The following MERTK variants were observed in gnomAD, a reference collection of about 807,000 sequenced individuals.
The protein encoded by MERTK is tyrosine-protein kinase Mer.
A neutral mutation model predicts 99.3 loss-of-function variants in MERTK; 69 were observed. The observed-to-expected ratio is 0.70, with a 90% CI of 0.57 to 0.85. The LOEUF is 0.85. Ranked by LOEUF, MERTK falls within the 40% of genes least tolerant of loss-of-function variation. MERTK has a pLI of 0.00. For missense variants in MERTK, 1,125 were observed against 1,249.4 expected (o/e 0.90, Z 1.50); for synonymous variants, 426 against 467.6 (o/e 0.91, Z 1.15).
chr2:112,020,308 A>G (rs1446937158), intron 16 of MERTK, among the ~76,000 whole-genome samples: 1 of 151,334 alleles, frequency 6.6e-6, no homozygotes, highest in Non-Finnish European at 1.5e-5. Context: ...AATCATGAAA[A>G]CTCTTTTTCC....
intron 1 of MERTK, 93 bp from the exon 2 acceptor site, chr2:111,929,027 C>T: frequency 2.3e-6 from 3 of 1,291,532 alleles, no homozygotes; most frequent in Non-Finnish European, 3.4e-6. Flanking sequence ...GAGGACACCC[C>T]AGTGCTCTCT....
Position 111,985,541 on chromosome 2 carries a change from A to G in MERTK, c.1296+2548A>G, listed in dbSNP as rs1676460434. On this transcript the variant is annotated intron_variant, in intron 8 of 18. Transcript: ENST00000295408. Reference sequence around the variant, plus strand: ...TGTATTAGTCTGTTTTCACACTGCTAATAAAGACATACCTGAGACTAGGTA... The same window carrying G: ...TGTATTAGTCTGTTTTCACACTGCTGATAAAGACATACCTGAGACTAGGTA... Among the ~76,000 whole-genome samples, 5 of 152,188 alleles carry G rather than the reference A, an allele frequency of 3.3e-5. No individual in the cohort carries two copies. In the South Asian group the frequency reaches 6.2e-4, roughly 19 times the overall value.
At chr2:111,953,399 C>T (rs929036323) in intron 4 of MERTK, among the ~76,000 whole-genome samples, 23 of 152,120 alleles carry the variant, frequency 1.5e-4, no homozygotes, top group Non-Finnish European at 2.6e-4. Context: ...CTTTATTTTT[C>T]TTAGTGACAG....
Position 111,997,323 on chromosome 2 carries a change from G to A in MERTK, c.1451G>A (p.Gly484Asp). The A allele has an allele frequency of 6.2e-7, 1 of 1,614,040 alleles. No individual in the cohort carries two copies. Among genetic ancestry groups the A allele is most frequent in the Non-Finnish European group, 8.5e-7 (1 of 1,179,908 alleles). The stretch of plus-strand genomic sequence containing the variant: ...GACTGGTCTATTGGTATCTCACCAG[G>A]TTGGGTAGATTATGCCCCCTCTTCA... ...DPVKIFIPAHGWVDYAPSSTP... is the reference protein window; with the variant it reads ...DPVKIFIPAHDWVDYAPSSTP... Residue 484 changes from glycine to aspartate, a missense_variant and splice_region_variant, in exon 10 of 19, where the codon GGT (glycine) becomes GAT (aspartate). Physicochemically the swap from Gly to Asp is moderately conservative, Grantham distance 94. Transcript: ENST00000295408.
chr2:111,947,364 A>G (rs1684978631), intron 3 of MERTK, 30 bp from the exon 4 acceptor site: 1 of 1,613,246 alleles, frequency 6.2e-7, no homozygotes, highest in Non-Finnish European at 8.5e-7. Context: ...CAGATCTGAA[A>G]CATTCTTTTG....
chr2:111,950,090 C>G (rs1301278768), intron 4 of MERTK, among the ~76,000 whole-genome samples: 1 of 152,134 alleles, frequency 6.6e-6, no homozygotes, highest in Admixed American at 6.5e-5. Context: ...GCACCTGCCA[C>G]TACGCCTGGC....
intron 8 of MERTK, among the ~76,000 whole-genome samples, chr2:111,991,641 C>T (rs577661710): frequency 6.6e-6 from 1 of 152,156 alleles, no homozygotes; most frequent in South Asian, 2.1e-4. Context: ...GACTCGGAGT[C>T]CAGTGGGGTA....
At chr2:111,959,530 G>A (rs145762025) in intron 4 of MERTK, among the ~76,000 whole-genome samples, 1 of 151,834 alleles carries the variant, frequency 6.6e-6, no homozygotes, top group African/African-American at 2.4e-5. Context: ...TGACTCTGTC[G>A]CCCAGCCTGG....
intron 6 of MERTK, among the ~76,000 whole-genome samples, chr2:111,972,492 A>G (rs778251151): frequency 1.3e-5 from 2 of 152,144 alleles, no homozygotes; most frequent in Admixed American, 6.5e-5. Flanking sequence ...AGATGATCAC[A>G]CACAAGATTT....
At position 111,910,591 on chromosome 2, in the gene MERTK, A is replaced by AGTGTGTGTGTGTGTGT. The variant is rs139430156; in HGVS notation, c.61+11800_61+11815dup. Among the ~76,000 whole-genome samples, 177 of 141,234 alleles carry AGTGTGTGTGTGTGTGT rather than the reference A, an allele frequency of 1.3e-3. 1 individual carries two copies. Among genetic ancestry groups the AGTGTGTGTGTGTGTGT allele is most frequent in the Middle Eastern group, 3.9e-3 (1 of 258 alleles). 92.7% of individuals were successfully genotyped at this position (141,234 alleles called of 152,430 possible). On this transcript the variant is annotated intron_variant, in intron 1 of 18. Transcript: ENST00000295408. Reference sequence around the variant, plus strand: ...GGCTGACCCTGTAACTTAAAAAAAAAGTGTGTGTGTGTGTGTGTGTATATA... The same window carrying AGTGTGTGTGTGTGTGT: ...GGCTGACCCTGTAACTTAAAAAAAAAGTGTGTGTGTGTGTGTGTGTGTGTGTGTGTGTGTGTATATA...
intron 9 of MERTK, 41 bp from the exon 10 acceptor site, chr2:111,997,282 T>C (rs187170848): frequency 1.2e-6 from 2 of 1,604,504 alleles, no homozygotes; most frequent in East Asian, 2.2e-5. Flanking sequence ...GTGTTTCTCA[T>C]ATATTTCAAA....
At chr2:111,912,053 AGTGCAGTGGT>A (rs1684260399) in intron 1 of MERTK, among the ~76,000 whole-genome samples, 2 of 151,726 alleles carry the variant, frequency 1.3e-5, no homozygotes, top group Non-Finnish European at 2.9e-5. Context: ...CCCCGGCTGG[AGTGCAGTGGT>A]GCGATCTCGG....
chr2:111,963,620 C>T (rs1389101786), intron 4 of MERTK, among the ~76,000 whole-genome samples: 2 of 152,220 alleles, frequency 1.3e-5, no homozygotes, highest in East Asian at 3.8e-4. Context: ...TTGCACAGCC[C>T]TTAATCCATT....
chr2:111,941,178 G>C (rs1453817035), intron 2 of MERTK: 1 of 318,506 alleles, frequency 3.1e-6, no homozygotes, highest in Non-Finnish European at 6.0e-6. Context: ...GCTGGGTACA[G>C]AGTTCGAAAG....
At chr2:112,011,729 C>A (rs1261939672) in intron 15 of MERTK, among the ~76,000 whole-genome samples, 2 of 152,032 alleles carry the variant, frequency 1.3e-5, no homozygotes, top group Non-Finnish European at 2.9e-5. Context: ...CCAGCCTGGG[C>A]GACAGAGTGA....
chr2:111,987,725 A>AT (rs568336398), intron 8 of MERTK, among the ~76,000 whole-genome samples: 51 of 152,312 alleles, frequency 3.3e-4, no homozygotes, highest in Non-Finnish European at 6.5e-4. Context: ...ATTGCATATT[A>AT]TACCACCTTG....
chr2:112,003,479 T>G (rs1676911521), intron 12 of MERTK: 1 of 337,870 alleles, frequency 3.0e-6, no homozygotes, highest in African/African-American at 2.1e-5. Context: ...GTACTTTAAG[T>G]TTATTCCTCT....
chr2:112,018,752 T>C (rs754003891), intron 15 of MERTK, among the ~76,000 whole-genome samples: 4 of 152,148 alleles, frequency 2.6e-5, no homozygotes, highest in Non-Finnish European at 5.9e-5. Context: ...AACACAGCAA[T>C]CTAGTTTGAT....
At chr2:111,997,838 G>A (rs1341817504) in intron 10 of MERTK, among the ~76,000 whole-genome samples, 1 of 152,200 alleles carries the variant, frequency 6.6e-6, no homozygotes, top group Non-Finnish European at 1.5e-5. Flanking sequence ...GATCACTTGA[G>A]GTCAGGAGTT....
Sources: gnomAD v4.1 joint callset for allele counts (sites outside exome capture counted in the v4.1 genomes callset) on GRCh38, gnomAD v4.1.1 for gene constraint, MANE v1.5 for transcripts, NCBI Gene and HGNC (gene_info 2026-07-23, HGNC 2026-07-21) for gene names.